The following UTP15 variants were observed in gnomAD, a reference collection of about 807,000 sequenced individuals.
UTP15 encodes the protein U3 small nucleolar RNA-associated protein 15 homolog.
Under a neutral mutation model 59.1 loss-of-function variants are expected in UTP15, and 5 were observed. That is an observed-to-expected ratio of 0.08 (90% CI 0.04 to 0.18). UTP15 has a LOEUF of 0.18. Ranked by LOEUF, UTP15 falls within the 10% of genes least tolerant of loss-of-function variation. The pLI, the probability that UTP15 is intolerant of heterozygous loss-of-function variation, is 1.00. For synonymous variants in UTP15, 211 were observed against 212.2 expected, an observed-to-expected ratio of 0.99 and a Z score of 0.05; for missense variants, 494 against 616.7, an observed-to-expected ratio of 0.80 and a Z score of 2.11.
rs1408269545 is a variant in UTP15 at position 73,580,498 on chromosome 5, C to T, written c.*404C>T. The T allele has an allele frequency of 6.5e-6, 1 of 153,946 alleles. No individual in the cohort carries two copies. The highest frequency in any genetic ancestry group is 1.4e-5 in the Non-Finnish European group (1 of 69,376). 9.5% of individuals were successfully genotyped at this position (153,946 alleles called of 1,614,324 possible). Reference sequence around the variant, plus strand: ...GCCTTGTATTACCTCTGGAAGACAACAAAAACAATTGGCAACAACAAAAAG... The same window carrying T: ...GCCTTGTATTACCTCTGGAAGACAATAAAAACAATTGGCAACAACAAAAAG... On this transcript the variant is annotated 3_prime_UTR_variant, in exon 13 of 13. Coordinates refer to ENST00000296792, the MANE Select transcript of UTP15 (RefSeq NM_032175.4).
intron 2 of UTP15, 164 bp downstream of exon 2, chr5:73,567,598 T>G: frequency 4.0e-6 from 2 of 494,694 alleles, no homozygotes; most frequent in Non-Finnish European, 7.2e-6. Flanking sequence ...TCTTGGAATT[T>G]TATGTAAAAG....
rs376105250 is a variant in UTP15 at position 73,579,107 on chromosome 5, C to T, written c.1237C>T (p.Arg413Trp). 9.3e-6 allele frequency: 15 copies of T among 1,613,724 alleles called. No individual in the cohort carries two copies. The highest frequency in any genetic ancestry group is 1.2e-5 in the Non-Finnish European group (14 of 1,179,862). The change falls in exon 11 of 13, where the codon CGG (arginine) becomes TGG (tryptophan). Residue 413 changes from arginine to tryptophan, a missense_variant. Arg to Trp is a moderately radical substitution (Grantham distance 101). Coordinates refer to ENST00000296792, the MANE Select transcript of UTP15 (RefSeq NM_032175.4). ...AGTCCTTGCAAATGCGCTTGCAGGT[C>T]GGGATGAGAAGGAAATCAGTCATGT... ...RGVLANALAGRDEKEISHVLN... is the reference protein window; with the variant it reads ...RGVLANALAGWDEKEISHVLN...
At chr5:73,572,421 C>T in intron 6 of UTP15, 68 bp from the exon 7 acceptor site, 1 of 1,580,842 alleles carries the variant, frequency 6.3e-7, no homozygotes, top group Non-Finnish European at 8.6e-7. Flanking sequence ...GAGAAGAATG[C>T]TTTTCAGATC....
chr5:73,570,834 A>G, intron 6 of UTP15, 123 bp downstream of exon 6: 1 of 1,355,494 alleles, frequency 7.4e-7, no homozygotes, highest in Non-Finnish European at 1.0e-6. Context: ...TTGTTCAAAC[A>G]GTTGATAGGT....
chr5:73,569,201 G>T (rs1434315443), intron 4 of UTP15, among the ~76,000 whole-genome samples: 2 of 152,062 alleles, frequency 1.3e-5, no homozygotes, highest in African/African-American at 4.8e-5. Context: ...AAAAATTAAA[G>T]TGCCTTTGCT....
Position 73,579,162 on chromosome 5 carries a change from G to A in UTP15, c.1280+12G>A. 1 of 1,613,216 alleles carries A rather than the reference G, an allele frequency of 6.2e-7. No homozygotes were observed. The highest frequency in any genetic ancestry group is 1.1e-5 in the South Asian group (1 of 90,840). On this transcript the variant is annotated intron_variant, in intron 11 of 12. Coordinates refer to ENST00000296792, the MANE Select transcript of UTP15 (RefSeq NM_032175.4). ...AATTTTTTGATAAGGTATGTTTTTTGTCTGTGAAACACTTACATTTTGCAT... is the reference window on the plus strand; with the variant it reads ...AATTTTTTGATAAGGTATGTTTTTTATCTGTGAAACACTTACATTTTGCAT...
rs1318089117 is a variant in UTP15, at chr5:73,567,327, G to T, written c.-18G>T. 1 of 1,560,808 alleles carries T rather than the reference G, an allele frequency of 6.4e-7. No homozygotes were observed. Among genetic ancestry groups the T allele is most frequent in the Non-Finnish European group, 8.7e-7 (1 of 1,147,296 alleles). ...CCAAAATAGTGACTCTTGGACAATA[G>T]TGCAATTATATGGAATTATGGCTGG... On this transcript the variant is annotated 5_prime_UTR_variant, in exon 2 of 13. Transcript: ENST00000296792.
intron 9 of UTP15, among the ~76,000 whole-genome samples, 153 bp from the exon 10 acceptor site, chr5:73,578,598 A>G (rs545646886): frequency 2.2e-4 from 33 of 151,942 alleles, no homozygotes; most frequent in African/African-American, 6.5e-4. Context: ...TCTGATTAGC[A>G]GGATGCATTT....
intron 6 of UTP15, among the ~76,000 whole-genome samples, chr5:73,570,970 A>G (rs1023513530): frequency 2.0e-5 from 3 of 152,208 alleles, no homozygotes; most frequent in African/African-American, 7.2e-5. Flanking sequence ...CTTTACAGCA[A>G]TGAAATAAAA....
intron 9 of UTP15, 113 bp from the exon 10 acceptor site, chr5:73,578,638 C>A: frequency 2.3e-6 from 2 of 852,294 alleles, no homozygotes; most frequent in Non-Finnish European, 3.7e-6. Flanking sequence ...GGCATATGAA[C>A]ATTATTTGTG....
chr5:73,578,394 C>A (rs1748164177), intron 9 of UTP15: 2 of 289,526 alleles, frequency 6.9e-6, no homozygotes, highest in Non-Finnish European at 1.3e-5. Context: ...GTTGTTGAGA[C>A]TAGATCTCAT....
upstream of UTP15, chr5:73,565,742 T>C (rs1366356141): frequency 2.2e-6 from 1 of 456,222 alleles, no homozygotes; most frequent in East Asian, 7.0e-5. Flanking sequence ...CGTGCTCTGG[T>C]ACGTCATCTT....
chr5:73,567,480 A>C, intron 2 of UTP15, 46 bp downstream of exon 2: 1 of 1,397,666 alleles, frequency 7.2e-7, no homozygotes, highest in African/African-American at 1.4e-5. Flanking sequence ...TGTTTATGCC[A>C]ATTTCTCTAG....
chr5:73,572,996 C>A (rs868233574), intron 7 of UTP15, among the ~76,000 whole-genome samples: 1 of 151,996 alleles, frequency 6.6e-6, no homozygotes, highest in African/African-American at 2.4e-5. Context: ...CGGAGTTTCA[C>A]CATGTTGGTC....
Position 73,581,827 on chromosome 5 carries a change from T to C in UTP15, c.*1733T>C, listed in dbSNP as rs1483032803. 2.6e-5 allele frequency: 4 copies of C among 152,182 alleles called. No individual in the cohort carries two copies. The highest frequency in any genetic ancestry group is 1.9e-4 in the East Asian group (1 of 5,196). 9.4% of individuals were successfully genotyped at this position (152,182 alleles called of 1,614,324 possible). The stretch of plus-strand genomic sequence containing the variant: ...AAATAGGGCGTTTCCTTTTCATGAA[T>C]TGATTTCGTACAGCACAGTGGCTTA... On this transcript the variant is annotated 3_prime_UTR_variant, in exon 13 of 13. Transcript: ENST00000296792.
intron 7 of UTP15, 61 bp downstream of exon 7, chr5:73,572,685 A>T (rs1217465824): frequency 6.7e-7 from 1 of 1,496,340 alleles, no homozygotes; most frequent in Non-Finnish European, 9.1e-7. Flanking sequence ...TGCTTGAGGA[A>T]ATGAGTTATT....
rs868078425 is a variant in UTP15, at chr5:73,580,236, C to T, written c.*142C>T. ...TGGAAGAGACTGGAATAATTATGGC[C>T]GGAAAACAAGTACCCGTTTTAAGTA... On this transcript the variant is annotated 3_prime_UTR_variant, in exon 13 of 13. Coordinates refer to ENST00000296792, the MANE Select transcript of UTP15 (RefSeq NM_032175.4). The T allele has an allele frequency of 5.4e-5, 34 of 629,610 alleles. No homozygotes were observed. Among genetic ancestry groups the T allele is most frequent in the Middle Eastern group, 7.4e-4 (2 of 2,696 alleles). The allele number at this position is 629,610 out of a possible 1,614,324, so 39.0% of individuals were successfully genotyped here.
chr5:73,579,372 A>G lies in UTP15; in HGVS notation c.1336A>G (p.Ile446Val). The change falls in exon 12 of 13, where the codon ATT becomes GTT. Residue 446 changes from isoleucine (I) to valine (V), a missense_variant. Ile to Val is a conservative substitution (Grantham distance 29, BLOSUM62 3). Transcript: ENST00000296792. ...PVLINAAEII[I>V]DIYLPVIGQS... is the part of the protein sequence containing the mutation. ...TTTAATCAATGCTGCTGAAATAATTATTGGTAAGTCATTGTTAAAACTTGA... is the reference window on the plus strand; with the variant it reads ...TTTAATCAATGCTGCTGAAATAATTGTTGGTAAGTCATTGTTAAAACTTGA... 6.2e-7 allele frequency: 1 copy of G among 1,604,604 alleles called. No homozygotes were observed. The highest frequency in any genetic ancestry group is 1.1e-5 in the South Asian group (1 of 88,588).
Position 73,570,608 on chromosome 5 carries a change from G to T in UTP15, c.570G>T (p.Lys190Asn). ...TAGGATCATATGATCATACTGTGAAGATGTTTGATGCACGAACGAGTGAGA... is the reference window on the plus strand; with the variant it reads ...TAGGATCATATGATCATACTGTGAATATGTTTGATGCACGAACGAGTGAGA... ...FITGSYDHTVKMFDARTSESV... is the reference protein window; with the variant it reads ...FITGSYDHTVNMFDARTSESV... The change falls in exon 6 of 13, where the codon AAG becomes AAT. Residue 190 changes from lysine to asparagine, a missense_variant. Lys to Asn is a moderately conservative substitution (Grantham distance 94). Coordinates refer to ENST00000296792, the MANE Select transcript of UTP15 (RefSeq NM_032175.4). The T allele has an allele frequency of 1.2e-6, 2 of 1,614,154 alleles. No homozygotes were observed. The highest frequency in any genetic ancestry group is 1.7e-6 in the Non-Finnish European group (2 of 1,180,016).
Sources: allele counts gnomAD v4.1 joint callset (sites outside exome capture counted in the v4.1 genomes callset), GRCh38; gene constraint gnomAD v4.1.1; transcripts MANE v1.5; gene names NCBI Gene and HGNC (gene_info 2026-07-23, HGNC 2026-07-21).